The following NAT10 variants were observed in gnomAD, a reference collection of about 807,000 sequenced individuals.
NAT10 encodes RNA cytidine acetyltransferase.
Under a neutral mutation model 132.2 loss-of-function variants are expected in NAT10, and 109 were observed. The observed-to-expected ratio is 0.82, with a 90% CI of 0.71 to 0.97. The LOEUF (loss-of-function observed/expected upper bound fraction) is 0.97. Among genes scored for constraint, NAT10 ranks in the 50% least tolerant of loss-of-function variants. The pLI is 0.00. For synonymous variants in NAT10, 479 were observed against 478.0 expected (o/e 1.00, Z -0.03); for missense variants, 1,184 against 1,263.4 (o/e 0.94, Z 0.95).
chr11:34,109,281 C>T (rs1851651974), intron 3 of NAT10, among the ~76,000 whole-genome samples: 1 of 152,138 alleles, frequency 6.6e-6, no homozygotes, highest in Non-Finnish European at 1.5e-5. Context: ...CTCTGCTGGC[C>T]ACCCAATACC....
chr11:34,134,620 T>C, intron 18 of NAT10, 34 bp downstream of exon 18: 1 of 1,606,306 alleles, frequency 6.2e-7, no homozygotes, highest in Non-Finnish European at 8.5e-7. Context: ...GAAGCCGTGT[T>C]GCTGGCGGTG....
At chr11:34,134,171 C>CG (rs1852162362) in intron 16 of NAT10, 148 bp from the exon 17 acceptor site, 3 of 668,090 alleles carry the variant, frequency 4.5e-6, no homozygotes, top group African/African-American at 1.8e-5. Flanking sequence ...CTCAAAAGAG[C>CG]GGGGGGAATG....
chr11:34,123,373 A>G (rs1565111800), intron 9 of NAT10, among the ~76,000 whole-genome samples: 1 of 152,260 alleles, frequency 6.6e-6, no homozygotes, highest in Non-Finnish European at 1.5e-5. Flanking sequence ...TCAGCAAGGC[A>G]AAGCTAACTT....
At position 34,139,462 on chromosome 11, in the gene NAT10, C is replaced by A; in HGVS notation, c.2386C>A (p.Gln796Lys). ...TCCTTCCCTGGCTCTGAACATCATT[C>A]AGAACAGGAACATGGGGAAGCCAGC... ...FSPSLALNII[Q>K]NRNMGKPAQP... The change falls in exon 23 of 29, where the codon CAG (glutamine) becomes AAG (lysine). Residue 796 changes from glutamine (Q) to lysine (K), a missense_variant. Transcript: ENST00000257829. The A allele has an allele frequency of 1.9e-6, 3 of 1,614,108 alleles. No homozygotes were observed. The highest frequency in any genetic ancestry group is 2.5e-6 in the Non-Finnish European group (3 of 1,180,004).
intron 3 of NAT10, among the ~76,000 whole-genome samples, chr11:34,109,394 C>G (rs772450180): frequency 6.6e-6 from 1 of 152,164 alleles, no homozygotes; most frequent in African/African-American, 2.4e-5. Context: ...GCATTTCCCC[C>G]GATTTTTATT....
intron 12 of NAT10, among the ~76,000 whole-genome samples, chr11:34,129,550 C>G (rs753671635): frequency 8.3e-5 from 12 of 144,534 alleles, no homozygotes; most frequent in Non-Finnish European, 1.4e-4. Flanking sequence ...ATATGATTTA[C>G]AAAAATTTTC....
chr11:34,122,396 G>T (rs1851909652), intron 8 of NAT10, 63 bp from the exon 9 acceptor site: 2 of 1,602,810 alleles, frequency 1.2e-6, no homozygotes, highest in Non-Finnish European at 1.7e-6. Flanking sequence ...CACAGTGATG[G>T]TGATGAATGG....
intron 6 of NAT10, 83 bp from the exon 7 acceptor site, chr11:34,118,097 T>C: frequency 8.7e-7 from 1 of 1,154,222 alleles, no homozygotes; most frequent in Non-Finnish European, 1.3e-6. Flanking sequence ...TGGGGCCAGT[T>C]AATTTTTTTG....
At chr11:34,120,537 T>C (rs989456733) in intron 8 of NAT10, among the ~76,000 whole-genome samples, 3 of 152,170 alleles carry the variant, frequency 2.0e-5, no homozygotes, top group Non-Finnish European at 2.9e-5. Context: ...CAAACACCTA[T>C]TCCCAGCACA....
intron 13 of NAT10, 34 bp from the exon 14 acceptor site, chr11:34,131,347 T>G: frequency 6.3e-7 from 1 of 1,576,758 alleles, no homozygotes; most frequent in African/African-American, 1.4e-5. Context: ...TTAATCATTG[T>G]TTCTTCTTTT....
chr11:34,135,101 C>A, intron 18 of NAT10, 74 bp from the exon 19 acceptor site: 1 of 1,171,640 alleles, frequency 8.5e-7, no homozygotes, highest in Non-Finnish European at 1.3e-6. Context: ...AGAAGCAATG[C>A]AGGGGAGTCA....
chr11:34,110,558 CCT>C (rs1851676118), intron 3 of NAT10, among the ~76,000 whole-genome samples: 2 of 134,862 alleles, frequency 1.5e-5, no homozygotes, highest in Non-Finnish European at 3.1e-5. Flanking sequence ...TTTTTCTTTC[CCT>C]TTTTTTTTTT....
intron 25 of NAT10, 113 bp downstream of exon 25, chr11:34,141,321 TCA>T (rs66674391): frequency 0.12 from 131,074 of 1,078,976 alleles, 1,066 homozygotes; most frequent in African/African-American, 0.21. Context: ...CTGCATCTCG[TCA>T]CACACACACA....
intron 11 of NAT10, 123 bp from the exon 12 acceptor site, chr11:34,127,340 A>C: frequency 1.8e-6 from 2 of 1,095,268 alleles, no homozygotes; most frequent in Non-Finnish European, 2.6e-6. Context: ...GAAAGGAGGA[A>C]TGAGAGGAGA....
intron 5 of NAT10, 140 bp downstream of exon 5, chr11:34,113,978 T>G (rs1851743519): frequency 2.0e-6 from 2 of 1,016,888 alleles, no homozygotes; most frequent in East Asian, 2.7e-5. Context: ...TCTTTGATTT[T>G]AACTAATGAA....
At chr11:34,113,653 A>AAG in intron 4 of NAT10, 63 bp from the exon 5 acceptor site, 1 of 1,521,230 alleles carries the variant, frequency 6.6e-7, no homozygotes, top group Non-Finnish European at 8.8e-7. Flanking sequence ...AAAAAAAAAA[A>AAG]AAAAAAAGTC....
In NAT10 at chr11:34,140,580, A is replaced by G. The variant is rs761343407; in HGVS notation, c.2592+8A>G. 3.3e-5 allele frequency: 53 copies of G among 1,611,102 alleles called. No homozygotes were observed. The highest frequency in any genetic ancestry group is 4.3e-5 in the Non-Finnish European group (51 of 1,177,618). On this transcript the variant is annotated splice_region_variant and intron_variant, in intron 24 of 28. Coordinates refer to ENST00000257829, the MANE Select transcript of NAT10 (RefSeq NM_024662.3). ...CTGTCTGCGGCTCAGTCGGTATGCT[A>G]TCTGTTGCTTGCGTGGAGGAGAAGC... is the stretch of plus-strand genomic sequence containing the variant.
chr11:34,113,967 C>A, intron 5 of NAT10, 129 bp downstream of exon 5: 1 of 1,120,120 alleles, frequency 8.9e-7, no homozygotes, highest in Non-Finnish European at 1.2e-6. Flanking sequence ...GGGCTAAGAG[C>A]TCTTTGATTT....
intron 28 of NAT10, among the ~76,000 whole-genome samples, 155 bp from the exon 29 acceptor site, chr11:34,145,929 A>G (rs987185821): frequency 2.6e-5 from 4 of 152,152 alleles, no homozygotes; most frequent in Non-Finnish European, 4.4e-5. Flanking sequence ...CTGCCCCCTA[A>G]TAGGTTTGCA....
Sources: allele counts gnomAD v4.1 joint callset (sites outside exome capture counted in the v4.1 genomes callset), GRCh38; gene constraint gnomAD v4.1.1; transcripts MANE v1.5; gene names NCBI Gene and HGNC (gene_info 2026-07-23, HGNC 2026-07-21).